Variants in CDC25B observed in about 807,000 individuals in gnomAD.
The protein encoded by CDC25B is M-phase inducer phosphatase 2.
Under a neutral mutation model 69.8 loss-of-function variants are expected in CDC25B, and 33 were observed. That is an observed-to-expected ratio of 0.47 (90% confidence interval 0.36 to 0.63). The LOEUF is 0.63. CDC25B is among the 30% of genes least tolerant of loss of function. CDC25B has a pLI of 0.00. For missense variants in CDC25B, 727 were observed against 809.1 expected (o/e 0.90, Z 1.23); for synonymous variants, 341 against 314.6 (o/e 1.08, Z -0.89).
intron 3 of CDC25B, among the ~76,000 whole-genome samples, chr20:3,799,523 T>TGCAC (rs879400925): frequency 7.0e-5 from 4 of 56,872 alleles, no homozygotes; most frequent in Admixed American, 4.8e-4. Context: ...TGTGTGTGTG[T>TGCAC]GTGCGCGCGC....
chr20:3,790,893 A>G (rs1177108062), intron 1 of CDC25B, among the ~76,000 whole-genome samples: 1 of 151,936 alleles, frequency 6.6e-6, no homozygotes, highest in African/African-American at 2.4e-5. Flanking sequence ...TTTTGTAGAG[A>G]CAGAGTTTCA....
upstream of CDC25B, among the ~76,000 whole-genome samples, chr20:3,793,014 AGACTT>A (rs1305296177): frequency 1.3e-5 from 2 of 152,268 alleles, no homozygotes; most frequent in African/African-American, 4.8e-5. Context: ...ACTAGTTTGA[AGACTT>A]GATATCCAAA....
At chr20:3,801,449 A>G in intron 8 of CDC25B, 61 bp downstream of exon 8, 1 of 1,528,382 alleles carries the variant, frequency 6.5e-7, no homozygotes, top group East Asian at 2.3e-5. Flanking sequence ...CCAAAAGAAG[A>G]GAGCTCTGAG....
rs1158462370 is a variant in CDC25B at position 3,800,829 on chromosome 20, T to C, written c.546T>C (p.Ser182=). The C allele has an allele frequency of 1.4e-5, 23 of 1,613,318 alleles. No individual in the cohort carries two copies. Among genetic ancestry groups the C allele is most frequent in the Non-Finnish European group, 1.7e-5 (20 of 1,180,004 alleles). ...PDGRRKSEAG[S]GAASSSGEDK... ...GCCGGAGGAAGAGCGAGGCGGGCAGTGGAGCTGCCAGCAGCTCTGGGGAAG... is the reference window on the plus strand; with the variant it reads ...GCCGGAGGAAGAGCGAGGCGGGCAGCGGAGCTGCCAGCAGCTCTGGGGAAG... Residue 182 remains serine (S), a synonymous_variant, in exon 6 of 16, where the codon AGT becomes AGC. Transcript: ENST00000245960.
chr20:3,797,893 A>C, intron 2 of CDC25B, 144 bp downstream of exon 2: 1 of 982,244 alleles, frequency 1.0e-6, no homozygotes, highest in Non-Finnish European at 1.5e-6. Flanking sequence ...CACCCTCCAC[A>C]GAAATGGGAG....
intron 3 of CDC25B, 72 bp downstream of exon 3, chr20:3,798,535 A>C: frequency 7.9e-7 from 1 of 1,265,736 alleles, no homozygotes; most frequent in Non-Finnish European, 1.1e-6. Flanking sequence ...TCTACCATAA[A>C]TTCACCCGGG....
chr20:3,796,341 C>T lies in CDC25B; in HGVS notation c.-191C>T. On this transcript the variant is annotated 5_prime_UTR_variant, in exon 1 of 16. Coordinates refer to ENST00000245960, the MANE Select transcript of CDC25B (RefSeq NM_021873.4). ...TTCCCTGGCTGGTGCCTGAGCCCGGCGTCCCTCGCCCCCCGCCCTCCCCGC... is the reference window on the plus strand; with the variant it reads ...TTCCCTGGCTGGTGCCTGAGCCCGGTGTCCCTCGCCCCCCGCCCTCCCCGC... The T allele has an allele frequency of 4.5e-6, 6 of 1,323,720 alleles. No individual in the cohort carries two copies. Among genetic ancestry groups the T allele is most frequent in the Non-Finnish European group, 5.8e-6 (6 of 1,040,868 alleles). 82.0% of individuals were successfully genotyped at this position (1,323,720 alleles called of 1,614,324 possible).
upstream of CDC25B, chr20:3,796,176 T>G (rs1411062043): frequency 1.7e-6 from 2 of 1,156,606 alleles, no homozygotes; most frequent in Non-Finnish European, 2.1e-6. Context: ...AAATCCAGCC[T>G]CCGCGCCTCT....
rs1163289157 is a variant in CDC25B, at chr20:3,802,963, A to T, written c.1248A>T (p.Ser416=). The T allele has an allele frequency of 1.2e-6, 2 of 1,610,950 alleles. No individual in the cohort carries two copies. Among genetic ancestry groups the T allele is most frequent in the Non-Finnish European group, 1.7e-6 (2 of 1,177,326 alleles). The change falls in exon 12 of 16, where the codon TCA becomes TCT. Residue 416 remains serine, a synonymous_variant. Coordinates refer to ENST00000245960, the MANE Select transcript of CDC25B (RefSeq NM_021873.4). ...AGCACCAAGACCTCAAGTACATCTC[A>T]CCAGAAACGGTAAACAGCGTTGCGT... ...DGKHQDLKYI[S]PETMVALLTG... is the part of the protein sequence containing the mutation.
At position 3,796,664 on chromosome 20, in the gene CDC25B, C is replaced by T. The variant is rs985447020; in HGVS notation, c.133C>T (p.Arg45Trp). 3.3e-6 allele frequency: 5 copies of T among 1,505,820 alleles called. No homozygotes were observed. The highest frequency in any genetic ancestry group is 3.5e-6 in the Non-Finnish European group (4 of 1,137,028). The allele number at this position is 1,505,820 out of a possible 1,614,324, so 93.3% of individuals were successfully genotyped here. A position where few individuals can be genotyped will look rare whatever the true frequency, so the allele number is the denominator to read the frequency against. The change falls in exon 1 of 16, where the codon CGG becomes TGG. Residue 45 changes from arginine (R) to tryptophan (W), a missense_variant. By Grantham distance (101) the Arg-to-Trp change is moderately radical. This residue lies in a region of CDC25B where 368 missense variants were observed against 345.6 expected (regional missense o/e 1.06). Coordinates refer to ENST00000245960, the MANE Select transcript of CDC25B (RefSeq NM_021873.4). ...GSHGLLGSPV[R>W]AAASSPVTTL... ...TCATGGCCTCCTGGGGTCCCCGGTG[C>T]GGGCGGCCGCTTCCTCGCCGGTCAC...
rs2146702057 is a variant in CDC25B, at chr20:3,803,442, C to T, written c.1395C>T (p.Ser465=). 6.2e-7 allele frequency: 1 copy of T among 1,614,160 alleles called. No homozygotes were observed. Among genetic ancestry groups the T allele is most frequent in the South Asian group, 1.1e-5 (1 of 91,088 alleles). ...VNLPLERDAE[S]FLLKSPIAPC... The stretch of plus-strand genomic sequence containing the variant: ...TGCCCCTGGAACGCGACGCCGAGAG[C>T]TTCCTACTGAAGAGCCCCATCGCGC... The change falls in exon 14 of 16, where the codon AGC becomes AGT. Residue 465 remains serine (S), a synonymous_variant. Transcript: ENST00000245960. The surrounding 1 kb of genome is among the most constrained non-coding windows in gnomAD (Gnocchi z 4.9).
chr20:3,786,976 C>G, exon 1 of CDC25B: 1 of 535,348 alleles, frequency 1.9e-6, no homozygotes, highest in Non-Finnish European at 3.2e-6. Context: ...CGCTACTGCG[C>G]CCGGCGGACA....
Position 3,805,804 on chromosome 20 carries a change from G to T in CDC25B, c.*843G>T, listed in dbSNP as rs2089456515. 2.5e-6 allele frequency: 1 copy of T among 406,748 alleles called. No homozygotes were observed. The highest frequency in any genetic ancestry group is 4.3e-5 in the Admixed American group (1 of 23,024). 25.2% of individuals were successfully genotyped at this position (406,748 alleles called of 1,614,324 possible). A position where few individuals can be genotyped will look rare whatever the true frequency, so the allele number is the denominator to read the frequency against. On this transcript the variant is annotated 3_prime_UTR_variant, in exon 16 of 16. Transcript: ENST00000245960. The stretch of plus-strand genomic sequence containing the variant: ...CTGTCTTGTTGCGGATGGATGGAAG[G>T]TTGGATGGATGGGTGGATGGCCGTG...
chr20:3,798,315 GTTTTTTT>G (rs58192077), intron 2 of CDC25B, 90 bp from the exon 3 acceptor site: 1,083 of 371,730 alleles, frequency 2.9e-3, no homozygotes, highest in East Asian at 5.5e-3. Flanking sequence ...ACTAGAAACT[GTTTTTTT>G]TTTTTTTTTT....
upstream of CDC25B, among the ~76,000 whole-genome samples, chr20:3,794,862 G>C (rs1386795111): frequency 1.3e-5 from 2 of 152,152 alleles, no homozygotes; most frequent in Non-Finnish European, 2.9e-5. Context: ...GGGTCTGGGT[G>C]GCTGGGACTG....
intron 3 of CDC25B, among the ~76,000 whole-genome samples, chr20:3,799,171 G>T (rs2089173226): frequency 6.6e-6 from 1 of 152,210 alleles, no homozygotes; most frequent in Non-Finnish European, 1.5e-5. Flanking sequence ...CTGTGGCTTT[G>T]GGTTTAGGAT....
In CDC25B at chr20:3,796,540, G is replaced by T; in HGVS notation, c.9G>T (p.Val3=). The T allele has an allele frequency of 6.7e-7, 1 of 1,485,118 alleles. No individual in the cohort carries two copies. Among genetic ancestry groups the T allele is most frequent in the Non-Finnish European group, 8.9e-7 (1 of 1,125,162 alleles). 92.0% of individuals were successfully genotyped at this position (1,485,118 alleles called of 1,614,324 possible). Residue 3 remains valine, a synonymous_variant, in exon 1 of 16, where the codon GTG becomes GTT. Transcript: ENST00000245960. ME[V]PQPEPAPGSA... ...CTGCCGGCCCCGCCGCGATGGAGGT[G>T]CCCCAGCCGGAGCCCGCGCCAGGCT... is the stretch of plus-strand genomic sequence containing the variant.
At position 3,796,418 on chromosome 20, in the gene CDC25B, TCCCCCC is replaced by T; in HGVS notation, c.-107_-102del. ...CTGTGGCTCTTCCTCCCTCCCTCCT[TCCCCCC>T]CCCCCCACCCCTCGCCCGCTGCCTC... On this transcript the variant is annotated 5_prime_UTR_variant, in exon 1 of 16. Transcript: ENST00000245960. 2.0e-5 allele frequency: 3 copies of T among 151,666 alleles called. No individual in the cohort carries two copies. Among genetic ancestry groups the T allele is most frequent in the Non-Finnish European group, 2.3e-5 (3 of 130,166 alleles). The allele number at this position is 151,666 out of a possible 1,614,324, so 9.4% of individuals were successfully genotyped here.
Position 3,796,721 on chromosome 20 carries a change from G to A in CDC25B, c.190G>A (p.Gly64Arg). 1 of 1,567,834 alleles carries A rather than the reference G, an allele frequency of 6.4e-7. No individual in the cohort carries two copies. The stretch of plus-strand genomic sequence containing the variant: ...CACCCAGACCATGCACGACCTCGCC[G>A]GGCTCGGCAGGTAGGACACCCCAAG... ...TLTQTMHDLAGLGSETPKSQV... is the reference protein window; with the variant it reads ...TLTQTMHDLARLGSETPKSQV... The change falls in exon 1 of 16, where the codon GGG (glycine) becomes AGG (arginine). Residue 64 changes from glycine to arginine, a missense_variant. By Grantham distance (125) the Gly-to-Arg change is moderately radical (BLOSUM62 -2). This residue lies in a region of CDC25B where 368 missense variants were observed against 345.6 expected (regional missense o/e 1.06). Coordinates refer to ENST00000245960, the MANE Select transcript of CDC25B (RefSeq NM_021873.4).
Sources: gnomAD v4.1 joint callset for allele counts (sites outside exome capture counted in the v4.1 genomes callset) on GRCh38, gnomAD v4.1.1 for gene constraint, gnomAD v4.1.1 regional missense constraint, Gnocchi (gnomAD v3.1) non-coding constraint, MANE v1.5 for transcripts, NCBI Gene and HGNC (gene_info 2026-07-23, HGNC 2026-07-21) for gene names.